NDST1: variants seen among roughly 807,000 people sequenced by gnomAD.
NDST1 encodes N-deacetylase and N-sulfotransferase 1.
A neutral mutation model predicts 92.8 loss-of-function variants in NDST1; 35 were observed. The ratio of observed to expected loss-of-function variants is 0.38; its 90% confidence interval spans 0.29 to 0.50. NDST1 has a LOEUF of 0.50. Ranked by LOEUF, NDST1 falls within the 20% of genes least tolerant of loss-of-function variation. The probability of loss-of-function intolerance (pLI) is 0.94; values close to 1 mark genes in which losing one functional copy is unlikely to be tolerated. For synonymous variants in NDST1, 493 were observed against 500.3 expected (o/e 0.99, Z 0.19); for missense variants, 822 against 1,182.7 (o/e 0.69, Z 4.47).
At chr5:150,501,334 C>T (rs552512559) in intron 1 of NDST1, among the ~76,000 whole-genome samples, 141 of 152,314 alleles carry the variant, frequency 9.3e-4, no homozygotes, top group Middle Eastern at 3.4e-3. Flanking sequence ...TGGGTGGCGG[C>T]GGTCCAGTCC....
Position 150,541,554 on chromosome 5 carries a change from T to C in NDST1, c.1750-16T>C, listed in dbSNP as rs1401780249. The C allele has an allele frequency of 6.2e-7, 1 of 1,613,642 alleles. No individual in the cohort carries two copies. The highest frequency in any genetic ancestry group is 8.5e-7 in the Non-Finnish European group (1 of 1,179,576). On this transcript the variant is annotated splice_polypyrimidine_tract_variant and intron_variant, in intron 8 of 14. Coordinates refer to ENST00000261797, the MANE Select transcript of NDST1 (RefSeq NM_001543.5). ...GTTCTGGGGCGCCCCACACATCCCTTCCACTGTTGTTTTAGGACCCCTGCG... is the reference window on the plus strand; with the variant it reads ...GTTCTGGGGCGCCCCACACATCCCTCCCACTGTTGTTTTAGGACCCCTGCG...
chr5:150,548,128 C>T, intron 11 of NDST1, 90 bp from the exon 12 acceptor site: 1 of 1,510,656 alleles, frequency 6.6e-7, no homozygotes, highest in Non-Finnish European at 9.1e-7. Flanking sequence ...AGCTGAGGAT[C>T]TTCTGGCCAC....
At chr5:150,515,449 G>A (rs1446076685) in intron 1 of NDST1, among the ~76,000 whole-genome samples, 5 of 152,240 alleles carry the variant, frequency 3.3e-5, no homozygotes, top group Non-Finnish European at 7.3e-5. Flanking sequence ...CCTCTGCACC[G>A]TGGAGTGGGG....
chr5:150,538,403 G>T (rs969630818), intron 6 of NDST1, among the ~76,000 whole-genome samples: 3 of 152,220 alleles, frequency 2.0e-5, no homozygotes, highest in Non-Finnish European at 4.4e-5. Flanking sequence ...GACAAAAGTG[G>T]CAGCAGGGAG....
At chr5:150,523,775 C>G (rs1404146775) in intron 2 of NDST1, among the ~76,000 whole-genome samples, 1 of 152,220 alleles carries the variant, frequency 6.6e-6, no homozygotes, top group Non-Finnish European at 1.5e-5. Flanking sequence ...CCTTGCTCTG[C>G]AGAAGGTAAA....
chr5:150,532,937 T>C lies in NDST1; in HGVS notation c.1009-8T>C, dbSNP rs1434688338. ...CTCACTCATTCCTTTCTCCCCTGCC[T>C]GTCCTAGGCCCTGTTTGACACACAG... On this transcript the variant is annotated splice_region_variant and splice_polypyrimidine_tract_variant and intron_variant, in intron 3 of 14. Transcript: ENST00000261797. 3 of 1,613,988 alleles carry C rather than the reference T, an allele frequency of 1.9e-6. No individual in the cohort carries two copies. Among genetic ancestry groups the C allele is most frequent in the East Asian group, 2.2e-5 (1 of 44,888 alleles).
At chr5:150,500,589 C>T (rs974092282) in intron 1 of NDST1, among the ~76,000 whole-genome samples, 4 of 152,226 alleles carry the variant, frequency 2.6e-5, no homozygotes, top group Non-Finnish European at 5.9e-5. Flanking sequence ...AGGAGTTTCA[C>T]ATTCACATTA....
rs774253661 is a variant in NDST1 at position 150,528,004 on chromosome 5, G to A, written c.714G>A (p.Val238=). ...CAAATCACTCCACCTATGAGCCAGTGCTGCTGGCCAAGACGCGCTCGTCTG... is the reference window on the plus strand; with the variant it reads ...CAAATCACTCCACCTATGAGCCAGTACTGCTGGCCAAGACGCGCTCGTCTG... ...FQSNHSTYEP[V]LLAKTRSSES... Residue 238 remains valine (V), a synonymous_variant, in exon 3 of 15, where the codon GTG becomes GTA. Transcript: ENST00000261797. 1 of 1,613,806 alleles carries A rather than the reference G, an allele frequency of 6.2e-7. No individual in the cohort carries two copies. Among genetic ancestry groups the A allele is most frequent in the East Asian group, 2.2e-5 (1 of 44,882 alleles).
chr5:150,523,005 C>T (rs758146115), intron 2 of NDST1, among the ~76,000 whole-genome samples: 15 of 152,182 alleles, frequency 9.9e-5, no homozygotes, highest in Non-Finnish European at 2.1e-4. Context: ...CCCGTTTGTG[C>T]CAGGCCTTCC....
chr5:150,531,274 A>G (rs1754718571), intron 3 of NDST1, among the ~76,000 whole-genome samples: 1 of 152,024 alleles, frequency 6.6e-6, no homozygotes, highest in Non-Finnish European at 1.5e-5. Flanking sequence ...CAGCCCTGTG[A>G]GGTGGGTATT....
At chr5:150,534,484 A>G (rs937555313) in intron 4 of NDST1, among the ~76,000 whole-genome samples, 3 of 152,196 alleles carry the variant, frequency 2.0e-5, no homozygotes, top group African/African-American at 7.2e-5. Flanking sequence ...CATCCTGTAT[A>G]TATACAAAGA....
At chr5:150,516,164 G>T (rs1345473159) in intron 1 of NDST1, among the ~76,000 whole-genome samples, 2 of 152,366 alleles carry the variant, frequency 1.3e-5, no homozygotes, top group Non-Finnish European at 2.9e-5. Flanking sequence ...GGCAGCCCTG[G>T]CTGCCTGGCC....
intron 1 of NDST1, among the ~76,000 whole-genome samples, chr5:150,514,683 A>C (rs1269543279): frequency 6.6e-6 from 1 of 152,140 alleles, no homozygotes; most frequent in African/African-American, 2.4e-5. Flanking sequence ...CTTGGGTTTC[A>C]GGGAGGAATG....
chr5:150,514,560 CAA>C (rs34675841), intron 1 of NDST1, among the ~76,000 whole-genome samples: 73 of 55,064 alleles, frequency 1.3e-3, no homozygotes, highest in African/African-American at 3.7e-3. Flanking sequence ...GACTCCGTCT[CAA>C]AAAAAAAAAA....
At position 150,535,728 on chromosome 5, in the gene NDST1, A is replaced by G. The variant is rs1158236589; in HGVS notation, c.1280A>G (p.Tyr427Cys). ...VEHGIPTDMG[Y>C]AVAPHHSGVY... The stretch of plus-strand genomic sequence containing the variant: ...CATGGCATTCCCACAGACATGGGGT[A>G]TGCAGTGGCGCCCCACCACTCGGGC... The change falls in exon 6 of 15, where the codon TAT (tyrosine) becomes TGT (cysteine). Residue 427 changes from tyrosine (Y) to cysteine (C), a missense_variant. By Grantham distance (194) the Tyr-to-Cys change is radical. Transcript: ENST00000261797. 6.2e-7 allele frequency: 1 copy of G among 1,614,192 alleles called. No individual in the cohort carries two copies. Among genetic ancestry groups the G allele is most frequent in the Non-Finnish European group, 8.5e-7 (1 of 1,180,030 alleles).
intron 2 of NDST1, 98 bp from the exon 3 acceptor site, chr5:150,527,706 A>G (rs1307789571): frequency 1.9e-6 from 3 of 1,562,858 alleles, no homozygotes; most frequent in East Asian, 4.5e-5. Context: ...GTTGGTGAAT[A>G]TTGATACCAC....
chr5:150,521,146 C>A lies in NDST1; in HGVS notation c.-109C>A. On this transcript the variant is annotated 5_prime_UTR_variant, in exon 2 of 15. Coordinates refer to ENST00000261797, the MANE Select transcript of NDST1 (RefSeq NM_001543.5). This position sits in a 1 kb window ranked among gnomAD's most constrained non-coding sequence, Gnocchi z 5.9. Reference sequence around the variant, plus strand: ...CCCACAAGGGCGTCGCTTCCTAAGTCTCTGTGAATTTGTTGGTCAGTGGAC... The same window carrying A: ...CCCACAAGGGCGTCGCTTCCTAAGTATCTGTGAATTTGTTGGTCAGTGGAC... 9.8e-7 allele frequency: 1 copy of A among 1,020,578 alleles called. No individual in the cohort carries two copies. Among genetic ancestry groups the A allele is most frequent in the Non-Finnish European group, 1.4e-6 (1 of 698,340 alleles). 63.2% of individuals were successfully genotyped at this position (1,020,578 alleles called of 1,614,324 possible). A position where few individuals can be genotyped will look rare whatever the true frequency, so the allele number is the denominator to read the frequency against.
At chr5:150,504,146 G>C (rs1229802543), upstream of NDST1, among the ~76,000 whole-genome samples, 3 of 152,200 alleles carry the variant, frequency 2.0e-5, no homozygotes, top group Non-Finnish European at 4.4e-5. Flanking sequence ...CTCTGCTTCT[G>C]CAAGCCTGTT....
At chr5:150,536,312 C>T (rs1299223580) in intron 6 of NDST1, among the ~76,000 whole-genome samples, 1 of 151,760 alleles carries the variant, frequency 6.6e-6, no homozygotes, top group African/African-American at 2.4e-5. Flanking sequence ...GTAGTGAAAC[C>T]CCATCTCTAC....
Sources: gnomAD v4.1 joint callset for allele counts (sites outside exome capture counted in the v4.1 genomes callset) on GRCh38, gnomAD v4.1.1 for gene constraint, Gnocchi (gnomAD v3.1) non-coding constraint, MANE v1.5 for transcripts, NCBI Gene and HGNC (gene_info 2026-07-23, HGNC 2026-07-21) for gene names.